The following ZFAND3 variants were observed in gnomAD, a reference collection of about 807,000 sequenced individuals.
The protein encoded by ZFAND3 is AN1-type zinc finger protein 3.
Under a neutral mutation model 29.6 loss-of-function variants are expected in ZFAND3, and 10 were observed. The ratio of observed to expected loss-of-function variants is 0.34; its 90% CI spans 0.21 to 0.57. The LOEUF (loss-of-function observed/expected upper bound fraction) is 0.57. ZFAND3 is among the 20% of genes least tolerant of loss of function. The pLI is 0.86. For missense variants in ZFAND3, 230 were observed against 304.5 expected, an observed-to-expected ratio of 0.76 and a Z score of 1.82; for synonymous variants, 128 against 112.6, an observed-to-expected ratio of 1.14 and a Z score of -0.87.
chr6:37,984,200 G>C (rs150577827), intron 2 of ZFAND3, among the ~76,000 whole-genome samples: 1 of 152,174 alleles, frequency 6.6e-6, no homozygotes, highest in Non-Finnish European at 1.5e-5. Flanking sequence ...GACCAATATG[G>C]TAATTGCAAG....
chr6:37,830,610 A>G (rs1483955722), intron 1 of ZFAND3, among the ~76,000 whole-genome samples: 2 of 152,100 alleles, frequency 1.3e-5, no homozygotes, highest in Admixed American at 1.3e-4. Flanking sequence ...GACCATAGAT[A>G]CCTTCTTAGC....
chr6:38,152,857 AC>A lies in ZFAND3; in HGVS notation c.*470del, dbSNP rs1260060692. The A allele has an allele frequency of 1.8e-5, 18 of 985,918 alleles. No homozygotes were observed. 61.1% of individuals were successfully genotyped at this position (985,918 alleles called of 1,614,324 possible). A position where few individuals can be genotyped will look rare whatever the true frequency, so the allele number is the denominator to read the frequency against. The stretch of plus-strand genomic sequence containing the variant: ...TATCCTTAGTCCCAGTAGCCAGGAT[AC>A]CTGATGGCCACGTGTGCCTTGGCCA... On this transcript the variant is annotated 3_prime_UTR_variant, in exon 6 of 6. Coordinates refer to ENST00000287218, the MANE Select transcript of ZFAND3 (RefSeq NM_021943.3).
At chr6:37,949,424 G>T (rs888944666) in intron 2 of ZFAND3, among the ~76,000 whole-genome samples, 3 of 151,490 alleles carry the variant, frequency 2.0e-5, no homozygotes, top group Non-Finnish European at 2.9e-5. Context: ...GTGTGGGGGG[G>T]TCTCTCCCCA....
chr6:38,066,525 C>T (rs1764349106), intron 3 of ZFAND3, among the ~76,000 whole-genome samples: 2 of 152,120 alleles, frequency 1.3e-5, no homozygotes, highest in South Asian at 2.1e-4. Flanking sequence ...AATCCAAGTA[C>T]CGTGAAATTT....
intron 2 of ZFAND3, among the ~76,000 whole-genome samples, chr6:37,950,505 G>A (rs536225891): frequency 1.3e-5 from 2 of 151,704 alleles, no homozygotes; most frequent in African/African-American, 2.4e-5. Context: ...AGCCTCCCAC[G>A]TAGCTGGGAT....
At chr6:38,103,478 T>C (rs7452638) in intron 4 of ZFAND3, among the ~76,000 whole-genome samples, 2 of 25,992 alleles carry the variant, frequency 7.7e-5, no homozygotes, top group Admixed American at 3.8e-4. Context: ...TGTATATATA[T>C]ACACACATAT....
intron 2 of ZFAND3, among the ~76,000 whole-genome samples, chr6:38,022,951 A>G (rs1052583495): frequency 3.3e-5 from 5 of 152,196 alleles, no homozygotes; most frequent in Non-Finnish European, 7.3e-5. Context: ...TCTCTTGTAA[A>G]GGCAAGGAAC....
chr6:37,870,918 T>C (rs1764684744), intron 1 of ZFAND3, among the ~76,000 whole-genome samples: 1 of 152,230 alleles, frequency 6.6e-6, no homozygotes, highest in African/African-American at 2.4e-5. Context: ...TTTTGTCTTT[T>C]TCGTTGTTGA....
At chr6:37,931,993 G>T (rs1035305439) in intron 2 of ZFAND3, among the ~76,000 whole-genome samples, 2 of 152,166 alleles carry the variant, frequency 1.3e-5, no homozygotes, top group African/African-American at 4.8e-5. Context: ...TATTCAGGCC[G>T]GGCGCAGTGG....
chr6:37,942,260 C>CAT (rs201399942), intron 2 of ZFAND3, among the ~76,000 whole-genome samples: 1 of 148,034 alleles, frequency 6.8e-6, no homozygotes, highest in Admixed American at 6.7e-5. Context: ...TATAAAAGAT[C>CAT]ATATATATAT....
chr6:38,145,435 G>A (rs1766083884), intron 5 of ZFAND3, among the ~76,000 whole-genome samples: 1 of 152,152 alleles, frequency 6.6e-6, no homozygotes, highest in South Asian at 2.1e-4. Context: ...TGGCACCTTT[G>A]CCTAATTATG....
chr6:38,019,316 A>G (rs1763306165), intron 2 of ZFAND3, among the ~76,000 whole-genome samples: 1 of 152,162 alleles, frequency 6.6e-6, no homozygotes, highest in African/African-American at 2.4e-5. Flanking sequence ...TTGAGGTTGA[A>G]CATTTTTAAT....
At chr6:38,046,698 A>T (rs1472021557) in intron 2 of ZFAND3, among the ~76,000 whole-genome samples, 1 of 152,196 alleles carries the variant, frequency 6.6e-6, no homozygotes, top group Non-Finnish European at 1.5e-5. Flanking sequence ...TAAAACCAAC[A>T]TGTCGTGGTC....
chr6:37,852,926 T>C (rs1188906599), intron 1 of ZFAND3, among the ~76,000 whole-genome samples: 2 of 152,082 alleles, frequency 1.3e-5, no homozygotes, highest in African/African-American at 4.8e-5. Flanking sequence ...GGGTGTCCAT[T>C]CCCTGCTGCT....
At chr6:37,946,303 C>G (rs1761900659) in intron 2 of ZFAND3, among the ~76,000 whole-genome samples, 1 of 152,134 alleles carries the variant, frequency 6.6e-6, no homozygotes, top group Non-Finnish European at 1.5e-5. Flanking sequence ...TACCATGACT[C>G]AAGGTTTTGT....
chr6:38,086,057 A>G (rs1764749671), intron 4 of ZFAND3, among the ~76,000 whole-genome samples: 1 of 152,172 alleles, frequency 6.6e-6, no homozygotes, highest in Non-Finnish European at 1.5e-5. Context: ...GTCTACAACT[A>G]TCAAAATGAG....
chr6:38,125,652 C>T (rs1045948617), intron 5 of ZFAND3, among the ~76,000 whole-genome samples: 1 of 152,172 alleles, frequency 6.6e-6, no homozygotes, highest in African/African-American at 2.4e-5. Flanking sequence ...GTGGCAGTAA[C>T]AGCACAATAA....
At chr6:37,968,360 G>A (rs905128260) in intron 2 of ZFAND3, among the ~76,000 whole-genome samples, 1 of 150,830 alleles carries the variant, frequency 6.6e-6, no homozygotes, top group Non-Finnish European at 1.5e-5. Context: ...CATTTAGTAA[G>A]CCAAACAAGA....
At chr6:37,890,419 C>A (rs1486987861) in intron 1 of ZFAND3, among the ~76,000 whole-genome samples, 2 of 152,076 alleles carry the variant, frequency 1.3e-5, no homozygotes, top group East Asian at 3.8e-4. Flanking sequence ...GAGCCAGAAG[C>A]CCTCAGCTCT....
Sources: allele counts gnomAD v4.1 joint callset (sites outside exome capture counted in the v4.1 genomes callset), GRCh38; gene constraint gnomAD v4.1.1; transcripts MANE v1.5; gene names NCBI Gene and HGNC (gene_info 2026-07-23, HGNC 2026-07-21).